Variants in TLE4 observed in about 807,000 individuals in gnomAD.
The protein encoded by TLE4 is TLE family member 4, transcriptional corepressor.
Under a neutral mutation model 92.8 loss-of-function variants are expected in TLE4, and 8 were observed. That is an observed-to-expected ratio of 0.09 (90% CI 0.05 to 0.16). TLE4 has a LOEUF of 0.16. Among genes scored for constraint, TLE4 ranks in the 10% least tolerant of loss-of-function variants. The pLI is 1.00. For synonymous variants in TLE4, 371 were observed against 374.1 expected (o/e 0.99, Z 0.10); for missense variants, 675 against 997.6 (o/e 0.68, Z 4.36).
chr9:79,612,575 A>T (rs1301526411), intron 4 of TLE4, 81 bp from the exon 5 acceptor site: 2 of 1,241,056 alleles, frequency 1.6e-6, no homozygotes, highest in African/African-American at 3.0e-5. Flanking sequence ...GTATGTTTTA[A>T]TATCATCCTG....
chr9:79,610,549 C>A (rs950915685), intron 4 of TLE4, among the ~76,000 whole-genome samples: 1 of 151,984 alleles, frequency 6.6e-6, no homozygotes, highest in Non-Finnish European at 1.5e-5. Context: ...ACACCCCACC[C>A]CCCCACTGCC....
chr9:79,708,368 A>G, intron 12 of TLE4, 118 bp downstream of exon 12: 1 of 1,295,024 alleles, frequency 7.7e-7, no homozygotes, highest in South Asian at 1.4e-5. Context: ...CTGTTAGACA[A>G]AGTTACTTAA....
intron 4 of TLE4, among the ~76,000 whole-genome samples, chr9:79,597,020 C>T (rs868074571): frequency 1.8e-4 from 27 of 152,256 alleles, no homozygotes; most frequent in South Asian, 1.0e-3. Flanking sequence ...AATCTTGACA[C>T]GAGCCTGTGA....
At chr9:79,609,031 A>G (rs1407560305) in intron 4 of TLE4, among the ~76,000 whole-genome samples, 1 of 152,118 alleles carries the variant, frequency 6.6e-6, no homozygotes, top group Non-Finnish European at 1.5e-5. Context: ...TATGTGATAA[A>G]GGAAATATGT....
intron 14 of TLE4, chr9:79,718,172 G>A (rs1231655348): frequency 4.8e-6 from 2 of 417,314 alleles, no homozygotes; most frequent in East Asian, 1.4e-4. Flanking sequence ...TTAAAATAGG[G>A]CTTTATCTTT....
chr9:79,632,442 A>G (rs375249496), intron 6 of TLE4, among the ~76,000 whole-genome samples: 46 of 152,246 alleles, frequency 3.0e-4, no homozygotes, highest in African/African-American at 1.1e-3. Context: ...TTTCAAAATT[A>G]CCTGCAGCCA....
intron 5 of TLE4, among the ~76,000 whole-genome samples, chr9:79,624,101 C>T (rs2051822569): frequency 6.6e-6 from 1 of 150,586 alleles, no homozygotes; most frequent in South Asian, 2.1e-4. Context: ...TGGGAAAGCC[C>T]TCATAGTTCT....
At chr9:79,594,353 T>G (rs1014279305) in intron 4 of TLE4, among the ~76,000 whole-genome samples, 1 of 152,208 alleles carries the variant, frequency 6.6e-6, no homozygotes, top group African/African-American at 2.4e-5. Flanking sequence ...TGTATCTCCA[T>G]GGTATAGTTT....
In TLE4 at chr9:79,688,022, C is replaced by T. The variant is rs187087965; in HGVS notation, c.610-16761C>T. Among the ~76,000 whole-genome samples, 27 of 152,272 alleles carry T rather than the reference C, an allele frequency of 1.8e-4. No individual in the cohort carries two copies. The East Asian group carries it at 3.5e-3, about 20-fold the overall frequency. Reference sequence around the variant, plus strand: ...TGAGTAGCAAGAGGCTAGATGATTTCTCTGGTCCCTCCCACCTAAAGATGA... The same window carrying T: ...TGAGTAGCAAGAGGCTAGATGATTTTTCTGGTCCCTCCCACCTAAAGATGA... On this transcript the variant is annotated intron_variant, in intron 8 of 19. Coordinates refer to ENST00000376552, the MANE Select transcript of TLE4 (RefSeq NM_007005.6).
intron 4 of TLE4, among the ~76,000 whole-genome samples, chr9:79,582,515 T>G (rs1473989013): frequency 6.6e-6 from 1 of 152,216 alleles, no homozygotes; most frequent in African/African-American, 2.4e-5. Flanking sequence ...TTTGCTTTCC[T>G]AGAATACATC....
At chr9:79,628,489 T>C (rs1261048315) in intron 6 of TLE4, among the ~76,000 whole-genome samples, 3 of 152,066 alleles carry the variant, frequency 2.0e-5, no homozygotes, top group African/African-American at 7.3e-5. Flanking sequence ...ATCAGAACTC[T>C]GGGATCACTG....
chr9:79,657,946 A>G (rs767082882), intron 8 of TLE4, among the ~76,000 whole-genome samples: 1 of 152,186 alleles, frequency 6.6e-6, no homozygotes, highest in Non-Finnish European at 1.5e-5. Context: ...CCTGAGTGCA[A>G]TAGCCTTCTC....
chr9:79,624,281 C>A (rs2051896311), intron 5 of TLE4, among the ~76,000 whole-genome samples: 1 of 151,568 alleles, frequency 6.6e-6, no homozygotes. Context: ...ACCCTTCTTC[C>A]TGTTTGGGTT....
intron 8 of TLE4, among the ~76,000 whole-genome samples, chr9:79,703,504 G>C (rs549824706): frequency 1.8e-4 from 28 of 152,282 alleles, no homozygotes; most frequent in South Asian, 1.7e-3. Context: ...ATGATTTTAA[G>C]CTCTCATATT....
intron 8 of TLE4, among the ~76,000 whole-genome samples, chr9:79,658,711 G>A (rs2060105935): frequency 6.6e-6 from 1 of 152,168 alleles, no homozygotes; most frequent in Non-Finnish European, 1.5e-5. Flanking sequence ...TTAAGTAGGA[G>A]TTTTACCGTT....
At chr9:79,627,336 A>G in intron 5 of TLE4, 38 bp from the exon 6 acceptor site, 5 of 1,609,510 alleles carry the variant, frequency 3.1e-6, no homozygotes, top group Non-Finnish European at 3.4e-6. Flanking sequence ...TGAGTAGAAA[A>G]CAAATAATTG....
chr9:79,716,815 C>T (rs1360857832), intron 14 of TLE4, among the ~76,000 whole-genome samples: 2 of 152,180 alleles, frequency 1.3e-5, no homozygotes, highest in African/African-American at 4.8e-5. Flanking sequence ...GTGCATATCT[C>T]ACTAATGAAT....
rs770065827 is a variant in TLE4, at chr9:79,708,753, CGCT to C, written c.1242_1244del (p.Ala415del). On this transcript the variant is annotated inframe_deletion, in exon 13 of 20. Transcript: ENST00000376552. Reference sequence around the variant, plus strand: ...AGATGAGCGCAGCTGCTGCCGCCGCCGCTGCTGCTGCTGCCTATGGGAGATCAC... The same window carrying C: ...AGATGAGCGCAGCTGCTGCCGCCGCCGCTGCTGCTGCCTATGGGAGATCAC... 5 of 1,608,250 alleles carry C rather than the reference CGCT, an allele frequency of 3.1e-6. No homozygotes were observed. Among genetic ancestry groups the C allele is most frequent in the Admixed American group, 1.7e-5 (1 of 59,960 alleles).
intron 4 of TLE4, among the ~76,000 whole-genome samples, chr9:79,602,844 T>C (rs2045963350): frequency 6.6e-6 from 1 of 152,160 alleles, no homozygotes. Flanking sequence ...GCAAGGTAAA[T>C]TGAAAACCTT....
Sources: gnomAD v4.1 joint callset for allele counts (sites outside exome capture counted in the v4.1 genomes callset) on GRCh38, gnomAD v4.1.1 for gene constraint, MANE v1.5 for transcripts, NCBI Gene and HGNC (gene_info 2026-07-23, HGNC 2026-07-21) for gene names.